UBE2E1: variants seen among roughly 807,000 people sequenced by gnomAD.
The protein encoded by UBE2E1 is ubiquitin-conjugating enzyme E2 E1.
In UBE2E1, 6 loss-of-function variants were observed where a neutral mutation model predicts 21.4. That is an observed-to-expected ratio of 0.28 (90% CI 0.15 to 0.55). The LOEUF (loss-of-function observed/expected upper bound fraction) is 0.55, where lower values mean the gene tolerates loss of function less well. Among genes scored for constraint, UBE2E1 ranks in the 20% least tolerant of loss-of-function variants. The pLI is 0.93. For synonymous variants in UBE2E1, 87 were observed against 82.7 expected, an observed-to-expected ratio of 1.05 and a Z score of -0.28; for missense variants, 142 against 236.5, an observed-to-expected ratio of 0.60 and a Z score of 2.62.
Position 23,876,470 on chromosome 3 carries a change from A to T in UBE2E1, c.204-11097A>T, listed in dbSNP as rs1357403157. ...AGCTTTCACCCAGTATCTCTGGTAG[A>T]TTGCTACCTTCATAGCTTATCTTCT... On this transcript the variant is annotated intron_variant, in intron 3 of 5. Coordinates refer to ENST00000306627, the MANE Select transcript of UBE2E1 (RefSeq NM_003341.5). This position sits in a 1 kb window ranked among gnomAD's most constrained non-coding sequence, Gnocchi z 4.3. Among the ~76,000 whole-genome samples the T allele has an allele frequency of 2.0e-5, 3 of 152,210 alleles. No individual in the cohort carries two copies. Among genetic ancestry groups the T allele is most frequent in the Non-Finnish European group, 2.9e-5 (2 of 68,038 alleles).
intron 3 of UBE2E1, among the ~76,000 whole-genome samples, chr3:23,845,583 C>CTGTGTGTGTGTGTGTGTGTGTGTG (rs768414328): frequency 2.0e-5 from 1 of 48,848 alleles, no homozygotes; most frequent in African/African-American, 6.3e-5. Flanking sequence ...CTCTCTCTCT[C>CTGTGTGTGTGTGTGTGTGTGTGTG]TCTCTCTGTG....
rs1699515721 is a variant in UBE2E1 at position 23,816,322 on chromosome 3, A to G, written c.203+4812A>G. The stretch of plus-strand genomic sequence containing the variant: ...TGTCTGTCAACAGATGAGTGGATAA[A>G]CAAAATTTGGTTAATCTATAAACTG... On this transcript the variant is annotated intron_variant, in intron 3 of 5. Transcript: ENST00000306627. This position sits in a 1 kb window ranked among gnomAD's most constrained non-coding sequence, Gnocchi z 4.8. Among the ~76,000 whole-genome samples, 1 of 152,248 alleles carries G rather than the reference A, an allele frequency of 6.6e-6. No homozygotes were observed. Among genetic ancestry groups the G allele is most frequent in the Non-Finnish European group, 1.5e-5 (1 of 68,050 alleles).
At chr3:23,861,125 T>C (rs1367962802) in intron 3 of UBE2E1, among the ~76,000 whole-genome samples, 3 of 152,124 alleles carry the variant, frequency 2.0e-5, no homozygotes, top group East Asian at 3.8e-4. Flanking sequence ...AGACATCTTA[T>C]TTGTATATGT....
At chr3:23,818,704 A>G (rs1211473094) in intron 3 of UBE2E1, among the ~76,000 whole-genome samples, 1 of 152,144 alleles carries the variant, frequency 6.6e-6, no homozygotes, top group Admixed American at 6.5e-5. Context: ...CTGAGGCTGG[A>G]ACTGGTTTTG....
chr3:23,864,410 T>G (rs1700612192), intron 3 of UBE2E1, among the ~76,000 whole-genome samples: 1 of 152,230 alleles, frequency 6.6e-6, no homozygotes, highest in South Asian at 2.1e-4. Flanking sequence ...ACTCTCACTA[T>G]TCAAATCTTT....
At chr3:23,821,277 C>A (rs908373067) in intron 3 of UBE2E1, among the ~76,000 whole-genome samples, 3 of 152,064 alleles carry the variant, frequency 2.0e-5, no homozygotes, top group Non-Finnish European at 4.4e-5. Context: ...CCTAGAGAAG[C>A]CTTACAAAGA....
chr3:23,875,148 C>T (rs1559492370), intron 3 of UBE2E1, among the ~76,000 whole-genome samples: 1 of 152,058 alleles, frequency 6.6e-6, no homozygotes, highest in Non-Finnish European at 1.5e-5. Context: ...TGTAAATTTC[C>T]AGATGTGCTG....
At chr3:23,817,421 C>CAAAAAAAAAA (rs369690021) in intron 3 of UBE2E1, among the ~76,000 whole-genome samples, 4 of 42,292 alleles carry the variant, frequency 9.5e-5, no homozygotes, top group East Asian at 4.4e-4. Context: ...GACTCTGTCT[C>CAAAAAAAAAA]AAAAAAAAAA....
At position 23,811,453 on chromosome 3, in the gene UBE2E1, A is replaced by G. The variant is rs897700625; in HGVS notation, c.153-7A>G. The stretch of plus-strand genomic sequence containing the variant: ...TGTGTTTGTCTTTCCCATTTCTCCC[A>G]CTCCAGAATTCAGAAGGAGCTGGCG... On this transcript the variant is annotated splice_region_variant and splice_polypyrimidine_tract_variant and intron_variant, in intron 2 of 5. Coordinates refer to ENST00000306627, the MANE Select transcript of UBE2E1 (RefSeq NM_003341.5). 2 of 1,613,206 alleles carry G rather than the reference A, an allele frequency of 1.2e-6. No homozygotes were observed. The highest frequency in any genetic ancestry group is 1.7e-6 in the Non-Finnish European group (2 of 1,179,836).
chr3:23,814,235 G>T (rs1699462567), intron 3 of UBE2E1, among the ~76,000 whole-genome samples: 3 of 152,104 alleles, frequency 2.0e-5, no homozygotes, highest in Admixed American at 2.0e-4. Context: ...ACTAATTTTG[G>T]CACTTGGCAA....
In UBE2E1 at chr3:23,816,009, A is replaced by T. The variant is rs975056870; in HGVS notation, c.203+4499A>T. On this transcript the variant is annotated intron_variant, in intron 3 of 5. Transcript: ENST00000306627. This position sits in a 1 kb window ranked among gnomAD's most constrained non-coding sequence, Gnocchi z 4.8. ...TCAGGCTGTTGGGAATTAGATCATC[A>T]CTGGGGCCTTTCCTATTAGAGAGGA... Among the ~76,000 whole-genome samples the T allele has an allele frequency of 1.3e-5, 2 of 152,214 alleles. No homozygotes were observed. Among genetic ancestry groups the T allele is most frequent in the African/African-American group, 4.8e-5 (2 of 41,462 alleles).
At chr3:23,820,010 A>T (rs1031222139) in intron 3 of UBE2E1, among the ~76,000 whole-genome samples, 1 of 152,224 alleles carries the variant, frequency 6.6e-6, no homozygotes, top group African/African-American at 2.4e-5. Flanking sequence ...ACCTTATGTT[A>T]ACAAGTGAGC....
At position 23,810,694 on chromosome 3, in the gene UBE2E1, C is replaced by T. The variant is rs907721622; in HGVS notation, c.153-766C>T. 3.3e-6 allele frequency: 2 copies of T among 603,146 alleles called. No homozygotes were observed. Among genetic ancestry groups the T allele is most frequent in the Non-Finnish European group, 5.4e-6 (2 of 372,690 alleles). 37.4% of individuals were successfully genotyped at this position (603,146 alleles called of 1,614,324 possible). ...CGCGGTCTCGGGCCAAGGTTCTGGGCGCCGGGAGAGGAGAGCTGGGGCGGC... is the reference window on the plus strand; with the variant it reads ...CGCGGTCTCGGGCCAAGGTTCTGGGTGCCGGGAGAGGAGAGCTGGGGCGGC... On this transcript the variant is annotated intron_variant, in intron 2 of 5. Coordinates refer to ENST00000306627, the MANE Select transcript of UBE2E1 (RefSeq NM_003341.5). The surrounding 1 kb of genome is among the most constrained non-coding windows in gnomAD (Gnocchi z 5.8).
intron 3 of UBE2E1, among the ~76,000 whole-genome samples, chr3:23,847,120 C>T (rs1245256502): frequency 2.0e-5 from 3 of 152,030 alleles, no homozygotes; most frequent in African/African-American, 7.3e-5. Flanking sequence ...CTTATTTTCC[C>T]TTTGGTTCAT....
chr3:23,819,648 T>G (rs1016666700), intron 3 of UBE2E1, among the ~76,000 whole-genome samples: 3 of 152,180 alleles, frequency 2.0e-5, no homozygotes, highest in Non-Finnish European at 2.9e-5. Flanking sequence ...AAAACCTAAT[T>G]TGGTCGGATG....
intron 3 of UBE2E1, 45 bp downstream of exon 3, chr3:23,811,555 C>T: frequency 6.3e-7 from 1 of 1,578,042 alleles, no homozygotes; most frequent in Non-Finnish European, 8.7e-7. Context: ...ATTCTTCTAA[C>T]CTTTGTCTTG....
chr3:23,851,670 T>C (rs1700327322), intron 3 of UBE2E1, among the ~76,000 whole-genome samples: 1 of 152,108 alleles, frequency 6.6e-6, no homozygotes, highest in South Asian at 2.1e-4. Context: ...GCCATGGTGG[T>C]GCACATCTGT....
intron 3 of UBE2E1, among the ~76,000 whole-genome samples, chr3:23,865,960 A>G (rs891595961): frequency 6.6e-6 from 1 of 152,080 alleles, no homozygotes; most frequent in Non-Finnish European, 1.5e-5. Context: ...GCTATTGTCT[A>G]CTGCTCAGCT....
intron 3 of UBE2E1, among the ~76,000 whole-genome samples, chr3:23,857,560 G>A (rs1700469811): frequency 2.0e-5 from 3 of 152,294 alleles, no homozygotes; most frequent in African/African-American, 7.2e-5. Context: ...TGCCTGTCGA[G>A]TCACGTTACA....
Sources: gnomAD v4.1 joint callset for allele counts (sites outside exome capture counted in the v4.1 genomes callset) on GRCh38, gnomAD v4.1.1 for gene constraint, Gnocchi (gnomAD v3.1) non-coding constraint, MANE v1.5 for transcripts, NCBI Gene and HGNC (gene_info 2026-07-23, HGNC 2026-07-21) for gene names.